FAF1: variants seen among roughly 807,000 people sequenced by gnomAD.
The protein encoded by FAF1 is Fas associated factor 1, also known as FAS-associated factor 1.
In FAF1, 25 loss-of-function variants were observed where a neutral mutation model predicts 92.5. The ratio of observed to expected loss-of-function variants is 0.27; its 90% confidence interval spans 0.20 to 0.38. The LOEUF (loss-of-function observed/expected upper bound fraction) is 0.38, where lower values mean the gene tolerates loss of function less well. FAF1 is among the 10% of genes least tolerant of loss of function. FAF1 has a pLI of 1.00. For missense variants in FAF1, 636 were observed against 793.3 expected, an observed-to-expected ratio of 0.80 and a Z score of 2.38; for synonymous variants, 234 against 273.2, an observed-to-expected ratio of 0.86 and a Z score of 1.42.
At chr1:50,878,633 T>A (rs1161770250) in intron 1 of FAF1, among the ~76,000 whole-genome samples, 1 of 152,230 alleles carries the variant, frequency 6.6e-6, no homozygotes. Context: ...AGAAGTTATT[T>A]ATGATGAGCC....
intron 1 of FAF1, among the ~76,000 whole-genome samples, chr1:50,899,215 A>G (rs1353502073): frequency 2.6e-5 from 4 of 152,030 alleles, no homozygotes; most frequent in African/African-American, 9.7e-5. Context: ...AAGATGTTTG[A>G]TTTAGGACTT....
intron 13 of FAF1, among the ~76,000 whole-genome samples, chr1:50,556,786 G>A (rs1374796433): frequency 6.6e-6 from 1 of 151,814 alleles, no homozygotes; most frequent in Non-Finnish European, 1.5e-5. Flanking sequence ...GCAGTAAGTT[G>A]AAACTGTGCC....
chr1:50,897,424 G>A (rs11205788), intron 1 of FAF1, among the ~76,000 whole-genome samples: 13,132 of 152,192 alleles, frequency 0.086, 588 homozygotes, highest in African/African-American at 0.098. Context: ...GGATAAACAT[G>A]TAGATGAAAA....
At chr1:50,895,860 A>G (rs1644753892) in intron 1 of FAF1, among the ~76,000 whole-genome samples, 1 of 152,172 alleles carries the variant, frequency 6.6e-6, no homozygotes, top group African/African-American at 2.4e-5. Flanking sequence ...GATTTTAAAA[A>G]AAAAGCCTCA....
chr1:50,929,020 C>G (rs1570151991), intron 1 of FAF1, among the ~76,000 whole-genome samples: 1 of 128,578 alleles, frequency 7.8e-6, no homozygotes, highest in African/African-American at 3.0e-5. Context: ...TGCAGTGAGC[C>G]AAGATCATAC....
At chr1:50,838,537 CAT>C (rs1644230931) in intron 2 of FAF1, among the ~76,000 whole-genome samples, 1 of 145,098 alleles carries the variant, frequency 6.9e-6, no homozygotes, top group Non-Finnish European at 1.5e-5. Context: ...CATAATTTTA[CAT>C]GTAGAATTAT....
At chr1:50,726,324 G>T (rs1658651166) in intron 6 of FAF1, among the ~76,000 whole-genome samples, 1 of 152,086 alleles carries the variant, frequency 6.6e-6, no homozygotes, top group Admixed American at 6.6e-5. Context: ...TCAATAGCAA[G>T]ACTCAATACT....
intron 13 of FAF1, among the ~76,000 whole-genome samples, chr1:50,564,560 G>T (rs747433632): frequency 6.6e-6 from 1 of 152,038 alleles, no homozygotes; most frequent in African/African-American, 2.4e-5. Flanking sequence ...GCAAGCAGTC[G>T]TCTACTGAAT....
At chr1:50,462,428 T>C (rs553511824) in intron 18 of FAF1, 1 of 152,328 alleles carries the variant, frequency 6.6e-6, no homozygotes, top group African/African-American at 2.4e-5. Context: ...ACAATGCCTA[T>C]GAAATGTGAC....
At chr1:50,559,596 G>T (rs911076876) in intron 13 of FAF1, among the ~76,000 whole-genome samples, 1 of 152,202 alleles carries the variant, frequency 6.6e-6, no homozygotes, top group Non-Finnish European at 1.5e-5. Context: ...AGGGACAATT[G>T]CTGCTGGCAG....
intron 14 of FAF1, among the ~76,000 whole-genome samples, chr1:50,537,574 A>G (rs964758772): frequency 5.3e-5 from 8 of 152,194 alleles, no homozygotes; most frequent in African/African-American, 1.9e-4. Flanking sequence ...AAATAAATTT[A>G]TCAATCCATT....
Position 50,924,433 on chromosome 1 carries a change from C to T in FAF1, c.45+35334G>A, listed in dbSNP as rs533227450. ...AGATTGAAGAGAACACAAACAAAGG[C>T]ATCCCATACTCATTGATTAGAAGAA... On this transcript the variant is annotated intron_variant, in intron 1 of 18. Coordinates refer to ENST00000396153, the MANE Select transcript of FAF1 (RefSeq NM_007051.3). Among the ~76,000 whole-genome samples the T allele has an allele frequency of 2.0e-4, 30 of 152,210 alleles. No homozygotes were observed. The South Asian group carries it at 6.0e-3, about 31-fold the overall frequency.
chr1:50,903,003 A>C (rs1644808570), intron 1 of FAF1, among the ~76,000 whole-genome samples: 2 of 152,062 alleles, frequency 1.3e-5, no homozygotes, highest in Non-Finnish European at 2.9e-5. Context: ...CCTTCTCCTT[A>C]TTACTCTCCA....
chr1:50,654,971 C>CT (rs569202434), intron 8 of FAF1, among the ~76,000 whole-genome samples: 13,188 of 137,798 alleles, frequency 0.096, 633 homozygotes, highest in Middle Eastern at 0.19. Flanking sequence ...TTAGATATTT[C>CT]TTTTTTTTTT....
chr1:50,451,861 T>TTTAG, intron 18 of FAF1: 1 of 1,033,416 alleles, frequency 9.7e-7, no homozygotes, highest in Non-Finnish European at 1.2e-6. Flanking sequence ...AGATGGACTG[T>TTTAG]TTAGTGAAGA....
intron 1 of FAF1, among the ~76,000 whole-genome samples, chr1:50,949,646 T>TA (rs1437242288): frequency 2.0e-5 from 3 of 152,198 alleles, no homozygotes; most frequent in Non-Finnish European, 4.4e-5. Context: ...CATGTAAACA[T>TA]ACGTGCACGA....
chr1:50,570,061 C>T (rs1178043965), intron 12 of FAF1, among the ~76,000 whole-genome samples: 1 of 152,138 alleles, frequency 6.6e-6, no homozygotes, highest in East Asian at 1.9e-4. Flanking sequence ...GGTTACTGTG[C>T]TAGAATCTCG....
intron 1 of FAF1, among the ~76,000 whole-genome samples, chr1:50,954,698 C>T (rs1645250501): frequency 6.6e-6 from 1 of 151,898 alleles, no homozygotes; most frequent in Non-Finnish European, 1.5e-5. Flanking sequence ...GCCACCATGC[C>T]CGGCTAATTT....
chr1:50,925,882 G>A (rs1229126861), intron 1 of FAF1, among the ~76,000 whole-genome samples: 2 of 152,146 alleles, frequency 1.3e-5, no homozygotes, highest in Admixed American at 1.3e-4. Context: ...GAAAAATGTG[G>A]TTTATATACA....
Sources: gnomAD v4.1 joint callset for allele counts (sites outside exome capture counted in the v4.1 genomes callset) on GRCh38, gnomAD v4.1.1 for gene constraint, MANE v1.5 for transcripts, NCBI Gene and HGNC (gene_info 2026-07-23, HGNC 2026-07-21) for gene names.